ADGRL2: variants seen among roughly 807,000 people sequenced by gnomAD.
ADGRL2 encodes calcium-independent alpha-latrotoxin receptor 2.
Under a neutral mutation model 157.4 loss-of-function variants are expected in ADGRL2, and 44 were observed. The observed-to-expected ratio is 0.28, with a 90% CI of 0.22 to 0.36. The LOEUF (loss-of-function observed/expected upper bound fraction) is 0.36, where lower values mean the gene tolerates loss of function less well. Among genes scored for constraint, ADGRL2 ranks in the 10% least tolerant of loss-of-function variants. The pLI, the probability that ADGRL2 is intolerant of heterozygous loss-of-function variation, is 1.00. For synonymous variants in ADGRL2, 585 were observed against 624.7 expected (o/e 0.94, Z 0.95); for missense variants, 1,510 against 1,768.9 (o/e 0.85, Z 2.63).
intron 2 of ADGRL2, among the ~76,000 whole-genome samples, chr1:81,771,082 CA>C (rs2086350403): frequency 6.6e-6 from 1 of 151,966 alleles, no homozygotes; most frequent in Admixed American, 6.6e-5. Flanking sequence ...ACCTCTAGTC[CA>C]GTATTGTATA....
At chr1:81,710,277 T>C (rs2083880715) in intron 1 of ADGRL2, among the ~76,000 whole-genome samples, 1 of 151,958 alleles carries the variant, frequency 6.6e-6, no homozygotes, top group African/African-American at 2.4e-5. Context: ...TAGCAGTGTT[T>C]CTCAAACTTT....
intron 2 of ADGRL2, among the ~76,000 whole-genome samples, chr1:81,528,993 A>C (rs1365250516): frequency 6.6e-6 from 1 of 152,242 alleles, no homozygotes; most frequent in African/African-American, 2.4e-5. Flanking sequence ...CAGTGCTAAG[A>C]GCACATGGAG....
chr1:81,657,132 C>G (rs1296234938), intron 3 of ADGRL2, among the ~76,000 whole-genome samples: 2 of 152,046 alleles, frequency 1.3e-5, no homozygotes, highest in African/African-American at 4.8e-5. Context: ...GTGCTATGGT[C>G]TAAATATTTG....
chr1:81,741,436 T>C (rs933566972), intron 1 of ADGRL2, among the ~76,000 whole-genome samples: 6 of 152,052 alleles, frequency 3.9e-5, no homozygotes, highest in African/African-American at 1.4e-4. Context: ...AACTTTAACA[T>C]AGTAATGATC....
At chr1:81,532,112 T>C (rs891690169) in intron 2 of ADGRL2, among the ~76,000 whole-genome samples, 2 of 152,200 alleles carry the variant, frequency 1.3e-5, no homozygotes, top group African/African-American at 4.8e-5. Context: ...AGTTTTCTCA[T>C]CTGCAAAATG....
intron 2 of ADGRL2, among the ~76,000 whole-genome samples, chr1:81,881,321 G>T (rs2151216579): frequency 6.6e-6 from 1 of 152,154 alleles, no homozygotes; most frequent in East Asian, 2.0e-4. Context: ...GACTACAGGA[G>T]CCCGCCGCCA....
intron 1 of ADGRL2, among the ~76,000 whole-genome samples, chr1:81,818,632 TCAA>T (rs1175361387): frequency 6.6e-6 from 1 of 152,196 alleles, no homozygotes; most frequent in African/African-American, 2.4e-5. Context: ...TTTGTTTAGA[TCAA>T]CAGCCATTTA....
intron 2 of ADGRL2, among the ~76,000 whole-genome samples, chr1:81,771,548 A>G (rs993582024): frequency 6.6e-6 from 1 of 152,066 alleles, no homozygotes; most frequent in African/African-American, 2.4e-5. Context: ...ACTAAAGAGG[A>G]AAAAAAATCT....
intron 1 of ADGRL2, among the ~76,000 whole-genome samples, chr1:81,815,620 A>G (rs764143334): frequency 2.0e-5 from 3 of 151,774 alleles, no homozygotes; most frequent in Non-Finnish European, 4.4e-5. Context: ...AAAATATTTT[A>G]TAGAATTATG....
At chr1:81,566,404 T>C (rs963043191) in intron 2 of ADGRL2, among the ~76,000 whole-genome samples, 9 of 152,262 alleles carry the variant, frequency 5.9e-5, no homozygotes, top group African/African-American at 2.2e-4. Context: ...GACCGGAAAA[T>C]AATAAAGTGA....
chr1:81,530,523 A>AT (rs1242242976), intron 2 of ADGRL2, among the ~76,000 whole-genome samples: 1 of 151,708 alleles, frequency 6.6e-6, no homozygotes, highest in Non-Finnish European at 1.5e-5. Context: ...ATTGTTTTGT[A>AT]TTTTTTGTAG....
At chr1:81,770,280 A>G (rs1004869415) in intron 2 of ADGRL2, among the ~76,000 whole-genome samples, 5 of 148,386 alleles carry the variant, frequency 3.4e-5, no homozygotes, top group African/African-American at 1.0e-4. Context: ...CTCCTGCCTC[A>G]GCCTCCCAAG....
intron 1 of ADGRL2, among the ~76,000 whole-genome samples, chr1:81,325,489 C>T (rs1660832780): frequency 1.3e-5 from 2 of 152,162 alleles, no homozygotes; most frequent in Admixed American, 1.3e-4. Flanking sequence ...TTGTTGATTG[C>T]TACTGGGCAA....
chr1:81,968,065 T>C lies in ADGRL2; in HGVS notation c.2389T>C (p.Tyr797His). ...YFNANCSFWNYSERTMMGYWS... is the reference protein window; with the variant it reads ...YFNANCSFWNHSERTMMGYWS... ...CAATGCAAACTGCTCCTTCTGGAAC[T>C]ACTCAGAGAGAACTATGATGGGATA... Residue 797 changes from tyrosine (Y) to histidine (H), a missense_variant, in exon 14 of 24, where the codon TAC (tyrosine) becomes CAC (histidine). By Grantham distance (83) the Tyr-to-His change is moderately conservative. Coordinates refer to ENST00000686636, the MANE Select transcript of ADGRL2 (RefSeq NM_001366006.2). 6.2e-7 allele frequency: 1 copy of C among 1,614,026 alleles called. No homozygotes were observed. Among genetic ancestry groups the C allele is most frequent in the Non-Finnish European group, 8.5e-7 (1 of 1,179,884 alleles).
chr1:81,712,528 A>G (rs2083963970), intron 1 of ADGRL2, among the ~76,000 whole-genome samples: 1 of 152,162 alleles, frequency 6.6e-6, no homozygotes, highest in Non-Finnish European at 1.5e-5. Flanking sequence ...CATATTTAAG[A>G]CCGAGACACT....
rs1309480233 is a variant in ADGRL2, at chr1:81,943,471, A to G, written c.912A>G (p.Ala304=). The G allele has an allele frequency of 6.2e-7, 1 of 1,613,768 alleles. No individual in the cohort carries two copies. The highest frequency in any genetic ancestry group is 1.7e-4 in the Middle Eastern group (1 of 6,060). The change falls in exon 6 of 24, where the codon GCA becomes GCG. Residue 304 remains alanine, a synonymous_variant. Coordinates refer to ENST00000686636, the MANE Select transcript of ADGRL2 (RefSeq NM_001366006.2). The surrounding 1 kb of genome is among the most constrained non-coding windows in gnomAD (Gnocchi z 5.6). ...ATCCATACACTCTTCGATTTGAAGC[A>G]ACGTGGGAGACTGTATACGACAAAC... is the stretch of plus-strand genomic sequence containing the variant. ...QLNPYTLRFE[A]TWETVYDKRA...
In ADGRL2 at chr1:81,421,323, T is replaced by C. The variant is rs550325833; in HGVS notation, c.-301-23713T>C. Among the ~76,000 whole-genome samples the C allele has an allele frequency of 8.5e-5, 13 of 152,322 alleles. No homozygotes were observed. The South Asian group carries it at 2.7e-3, about 32-fold the overall frequency. On this transcript the variant is annotated intron_variant, in intron 1 of 24. Transcript: ENST00000370721. ...AGGATGTGAACATCATAACTAGAGA[T>C]AAAGCTCATACTGATTCAAAACTAA...
chr1:81,898,047 C>G (rs2094424595), intron 2 of ADGRL2, among the ~76,000 whole-genome samples: 1 of 152,094 alleles, frequency 6.6e-6, no homozygotes, highest in Non-Finnish European at 1.5e-5. Flanking sequence ...AAGCTTGGGG[C>G]TGCAGTGAAC....
intron 1 of ADGRL2, among the ~76,000 whole-genome samples, chr1:81,721,346 A>T (rs536568611): frequency 1.3e-5 from 2 of 152,172 alleles, no homozygotes; most frequent in Non-Finnish European, 2.9e-5. Flanking sequence ...CACTGCTTTT[A>T]GTTCATTCAC....
Sources: gnomAD v4.1 joint callset for allele counts (sites outside exome capture counted in the v4.1 genomes callset) on GRCh38, gnomAD v4.1.1 for gene constraint, Gnocchi (gnomAD v3.1) non-coding constraint, MANE v1.5 for transcripts, NCBI Gene and HGNC (gene_info 2026-07-23, HGNC 2026-07-21) for gene names.